The following CAVIN2 variants were observed in gnomAD, a reference collection of about 807,000 sequenced individuals.
CAVIN2 encodes the protein caveolae-associated protein 2.
Under a neutral mutation model 11.7 loss-of-function variants are expected in CAVIN2, and 13 were observed. The ratio of observed to expected loss-of-function variants is 1.11; its 90% CI spans 0.72 to 1.77. CAVIN2 has a LOEUF of 1.77. Ranked by LOEUF, CAVIN2 falls within the 40% of genes most tolerant of loss-of-function variation. The pLI is 0.00. For synonymous variants in CAVIN2, 237 were observed against 223.2 expected, an observed-to-expected ratio of 1.06 and a Z score of -0.55; for missense variants, 549 against 542.9, an observed-to-expected ratio of 1.01 and a Z score of -0.11.
chr2:191,846,352 A>T, intron 1 of CAVIN2, 91 bp downstream of exon 1: 1 of 1,415,376 alleles, frequency 7.1e-7, no homozygotes, highest in Non-Finnish European at 9.5e-7. Context: ...GGCAGGACAA[A>T]TGTAAAAATG....
rs1690179278 is a variant in CAVIN2 at position 191,846,997 on chromosome 2, G to C, written c.-72C>G. 2 of 1,526,708 alleles carry C rather than the reference G, an allele frequency of 1.3e-6. No individual in the cohort carries two copies. The highest frequency in any genetic ancestry group is 4.1e-5 in the Admixed American group (2 of 48,386). 94.6% of individuals were successfully genotyped at this position (1,526,708 alleles called of 1,614,324 possible). A position where few individuals can be genotyped will look rare whatever the true frequency, so the allele number is the denominator to read the frequency against. ...CTCGGGTGAGAAGTTGCGGTGGTGA[G>C]GGTGTAGGATGAGGCCCGCTGGTTG... is the stretch of plus-strand genomic sequence containing the variant. On this transcript the variant is annotated 5_prime_UTR_variant, in exon 1 of 2. Transcript: ENST00000304141.
At chr2:191,844,060 G>T (rs1690131997) in intron 1 of CAVIN2, among the ~76,000 whole-genome samples, 1 of 152,090 alleles carries the variant, frequency 6.6e-6, no homozygotes, top group African/African-American at 2.4e-5. Flanking sequence ...ATGTATGCTG[G>T]GTTTATTAAG....
In CAVIN2 at chr2:191,846,594, A is replaced by C. The variant is rs1690171078; in HGVS notation, c.332T>G (p.Val111Gly). The C allele has an allele frequency of 6.2e-7, 1 of 1,614,114 alleles. No homozygotes were observed. The highest frequency in any genetic ancestry group is 1.3e-5 in the African/African-American group (1 of 74,938). ...SKYQASTSNTVSKLLEKSRKV... is the reference protein window; with the variant it reads ...SKYQASTSNTGSKLLEKSRKV... Reference sequence around the variant, plus strand: ...GCGGGACTTCTCCAGCAGCTTGCTCACCGTGTTGCTGGTGGAGGCCTGGTA... The same window carrying C: ...GCGGGACTTCTCCAGCAGCTTGCTCCCCGTGTTGCTGGTGGAGGCCTGGTA... Residue 111 changes from valine (V) to glycine (G), a missense_variant, in exon 1 of 2, where the codon GTG becomes GGG. By Grantham distance (109) the Val-to-Gly change is moderately radical. Coordinates refer to ENST00000304141, the MANE Select transcript of CAVIN2 (RefSeq NM_004657.6).
intron 1 of CAVIN2, among the ~76,000 whole-genome samples, chr2:191,841,871 AC>A (rs1180010937): frequency 1.3e-5 from 2 of 152,240 alleles, no homozygotes; most frequent in African/African-American, 4.8e-5. Context: ...GCTCACATTC[AC>A]TAAATGTAAA....
chr2:191,839,141 A>G (rs576126303), intron 1 of CAVIN2, among the ~76,000 whole-genome samples: 3 of 152,224 alleles, frequency 2.0e-5, no homozygotes, highest in Non-Finnish European at 4.4e-5. Flanking sequence ...CAGGAAAGGA[A>G]GAAACCAAGA....
intron 1 of CAVIN2, among the ~76,000 whole-genome samples, chr2:191,844,129 G>A (rs1457241274): frequency 5.9e-5 from 9 of 152,130 alleles, no homozygotes; most frequent in Non-Finnish European, 7.4e-5. Context: ...AAACAGGTTT[G>A]GAGAAGCTAC....
In CAVIN2 at chr2:191,836,605, G is replaced by A; in HGVS notation, c.596C>T (p.Thr199Ile). The A allele has an allele frequency of 6.2e-7, 1 of 1,614,112 alleles. No individual in the cohort carries two copies. Among genetic ancestry groups the A allele is most frequent in the Non-Finnish European group, 8.5e-7 (1 of 1,180,020 alleles). The change falls in exon 2 of 2, where the codon ACC (threonine) becomes ATC (isoleucine). Residue 199 changes from threonine to isoleucine, a missense_variant. Transcript: ENST00000304141. ...ENKSLEETLH[T>I]VDLSSDDDLP... is the part of the protein sequence containing the mutation. Reference sequence around the variant, plus strand: ...ATCATCATCTGAGGAGAGGTCCACGGTGTGCAGGGTTTCCTCCAGGGATTT... The same window carrying A: ...ATCATCATCTGAGGAGAGGTCCACGATGTGCAGGGTTTCCTCCAGGGATTT...
In CAVIN2 at chr2:191,836,126, C is replaced by T; in HGVS notation, c.1075G>A (p.Ala359Thr). 1.2e-6 allele frequency: 2 copies of T among 1,614,216 alleles called. No homozygotes were observed. Among genetic ancestry groups the T allele is most frequent in the Non-Finnish European group, 1.7e-6 (2 of 1,180,036 alleles). ...GEIAEEAAEKATSRGSNSGMD... is the reference protein window; with the variant it reads ...GEIAEEAAEKTTSRGSNSGMD... The stretch of plus-strand genomic sequence containing the variant: ...CCCGAGTTACTCCCCCTGGAGGTCG[C>T]CTTCTCAGCAGCCTCCTCTGCAATT... The change falls in exon 2 of 2, where the codon GCG becomes ACG. Residue 359 changes from alanine (A) to threonine (T), a missense_variant. Physicochemically the swap from Ala to Thr is moderately conservative, Grantham distance 58. Coordinates refer to ENST00000304141, the MANE Select transcript of CAVIN2 (RefSeq NM_004657.6).
chr2:191,836,071 A>C lies in CAVIN2; in HGVS notation c.1130T>G (p.Val377Gly). 6.2e-7 allele frequency: 1 copy of C among 1,614,116 alleles called. No homozygotes were observed. The highest frequency in any genetic ancestry group is 8.5e-7 in the Non-Finnish European group (1 of 1,180,020). Residue 377 changes from valine to glycine, a missense_variant, in exon 2 of 2, where the codon GTG (valine) becomes GGG (glycine). Transcript: ENST00000304141. Reference sequence around the variant, plus strand: ...CACTGACTCCTCCTCTTCATCTTCCACAATAGTCAAGTCGATGTTGCTGTC... The same window carrying C: ...CACTGACTCCTCCTCTTCATCTTCCCCAATAGTCAAGTCGATGTTGCTGTC... ...GMDSNIDLTI[V>G]EDEEEESVAL...
At chr2:191,837,285 A>G (rs1690038241) in intron 1 of CAVIN2, among the ~76,000 whole-genome samples, 1 of 152,128 alleles carries the variant, frequency 6.6e-6, no homozygotes, top group African/African-American at 2.4e-5. Flanking sequence ...AAAGGTGCAC[A>G]CTAATTTTGC....
chr2:191,835,776 G>A lies in CAVIN2; in HGVS notation c.*147C>T. 1.3e-6 allele frequency: 1 copy of A among 752,250 alleles called. No homozygotes were observed. Among genetic ancestry groups the A allele is most frequent in the African/African-American group, 1.8e-5 (1 of 57,032 alleles). The allele number at this position is 752,250 out of a possible 1,614,324, so 46.6% of individuals were successfully genotyped here. A position where few individuals can be genotyped will look rare whatever the true frequency, so the allele number is the denominator to read the frequency against. ...CTTTCATGGTAAAGCCTGGTCTCGT[G>A]TGTCTTACTATGACTATATGGTCAA... On this transcript the variant is annotated 3_prime_UTR_variant, in exon 2 of 2. Coordinates refer to ENST00000304141, the MANE Select transcript of CAVIN2 (RefSeq NM_004657.6).
At chr2:191,845,643 G>T (rs1188453459) in intron 1 of CAVIN2, among the ~76,000 whole-genome samples, 1 of 152,094 alleles carries the variant, frequency 6.6e-6, no homozygotes, top group Non-Finnish European at 1.5e-5. Flanking sequence ...ATAGCCTCTT[G>T]CTACATTAAT....
chr2:191,836,725 G>A lies in CAVIN2; in HGVS notation c.484-8C>T, dbSNP rs891152051. ...AGGGATCTCATTTTCCTCCTGAAAAGACGGACAATGTAGGTTTCATGTTAA... is the reference window on the plus strand; with the variant it reads ...AGGGATCTCATTTTCCTCCTGAAAAAACGGACAATGTAGGTTTCATGTTAA... On this transcript the variant is annotated splice_region_variant and splice_polypyrimidine_tract_variant and intron_variant, in intron 1 of 1. Coordinates refer to ENST00000304141, the MANE Select transcript of CAVIN2 (RefSeq NM_004657.6). 9 of 1,609,290 alleles carry A rather than the reference G, an allele frequency of 5.6e-6. No individual in the cohort carries two copies. The African/African-American group carries it at 1.1e-4, about 19-fold the overall frequency.
chr2:191,846,313 A>G, intron 1 of CAVIN2, 130 bp downstream of exon 1: 1 of 1,126,928 alleles, frequency 8.9e-7, no homozygotes, highest in Non-Finnish European at 1.2e-6. Context: ...CAGACAGGGG[A>G]CAGTGCCTTG....
At chr2:191,841,907 T>C (rs942592140) in intron 1 of CAVIN2, among the ~76,000 whole-genome samples, 1 of 152,218 alleles carries the variant, frequency 6.6e-6, no homozygotes, top group Non-Finnish European at 1.5e-5. Context: ...ACTAATATTT[T>C]GTTTATCTCA....
chr2:191,837,016 A>G (rs184366522), intron 1 of CAVIN2, among the ~76,000 whole-genome samples: 3 of 152,332 alleles, frequency 2.0e-5, no homozygotes, highest in Admixed American at 2.0e-4. Flanking sequence ...AGCTGCCTAG[A>G]TAACAGAGCT....
chr2:191,847,037 A>T lies in CAVIN2; in HGVS notation c.-112T>A, dbSNP rs577324510. The stretch of plus-strand genomic sequence containing the variant: ...CCCGCTGGTTGGAGCTCAGGGCACC[A>T]GTCTCCAGGACTGGCAGAGGTTCAG... On this transcript the variant is annotated 5_prime_UTR_variant, in exon 1 of 2. Transcript: ENST00000304141. 6 of 1,385,380 alleles carry T rather than the reference A, an allele frequency of 4.3e-6. No homozygotes were observed. The South Asian group carries it at 8.5e-5, about 20-fold the overall frequency. The allele number at this position is 1,385,380 out of a possible 1,614,324, so 85.8% of individuals were successfully genotyped here.
rs747279144 is a variant in CAVIN2, at chr2:191,836,151, T to C, written c.1050A>G (p.Glu350=). Residue 350 remains glutamate (E), a synonymous_variant, in exon 2 of 2, where the codon GAA becomes GAG. Coordinates refer to ENST00000304141, the MANE Select transcript of CAVIN2 (RefSeq NM_004657.6). The part of the protein sequence containing the change: ...ASLASALVEG[E]IAEEAAEKAT... ...CCTTCTCAGCAGCCTCCTCTGCAAT[T>C]TCCCCTTCCACCAGAGCGCTGGCGA... 3 of 1,614,146 alleles carry C rather than the reference T, an allele frequency of 1.9e-6. No individual in the cohort carries two copies. Among genetic ancestry groups the C allele is most frequent in the Admixed American group, 1.7e-5 (1 of 60,020 alleles).
In CAVIN2 at chr2:191,836,197, T is replaced by A. The variant is rs1387073346; in HGVS notation, c.1004A>T (p.Glu335Val). 2 of 1,614,016 alleles carry A rather than the reference T, an allele frequency of 1.2e-6. No homozygotes were observed. The highest frequency in any genetic ancestry group is 1.7e-6 in the Non-Finnish European group (2 of 1,180,044). ...PNDQEEESFA[E>V]GHSEASLASA... The stretch of plus-strand genomic sequence containing the variant: ...GGCGAGGGACGCTTCGGAATGACCC[T>A]CTGCAAAGGACTCCTCTTCCTGGTC... Residue 335 changes from glutamate to valine, a missense_variant, in exon 2 of 2, where the codon GAG becomes GTG. Coordinates refer to ENST00000304141, the MANE Select transcript of CAVIN2 (RefSeq NM_004657.6).
Sources: allele counts gnomAD v4.1 joint callset (sites outside exome capture counted in the v4.1 genomes callset), GRCh38; gene constraint gnomAD v4.1.1; transcripts MANE v1.5; gene names NCBI Gene and HGNC (gene_info 2026-07-23, HGNC 2026-07-21).